The following OR9Q1 variants were observed in gnomAD, a reference collection of about 807,000 sequenced individuals.
OR9Q1 encodes olfactory receptor 9Q1.
For synonymous variants in OR9Q1, 153 were observed against 148.6 expected, an observed-to-expected ratio of 1.03 and a Z score of -0.22; for missense variants, 374 against 378.8, an observed-to-expected ratio of 0.99 and a Z score of 0.11.
At chr11:58,118,780 A>G in intron 2 of OR9Q1, 2 of 1,614,106 alleles carry the variant, frequency 1.2e-6, no homozygotes, top group Non-Finnish European at 1.7e-6. Flanking sequence ...AATGGTCTTG[A>G]TGATGAGCAG....
At chr11:58,047,717 CAAA>C (rs67113314) in intron 1 of OR9Q1, among the ~76,000 whole-genome samples, 63,920 of 144,034 alleles carry the variant, frequency 0.44, 14,224 homozygotes, top group East Asian at 0.66. Context: ...ACTAATGATA[CAAA>C]AAAAAAAAAA....
At chr11:58,151,724 G>T (rs1335133306) in intron 2 of OR9Q1, among the ~76,000 whole-genome samples, 1 of 152,042 alleles carries the variant, frequency 6.6e-6, no homozygotes, top group East Asian at 1.9e-4. Flanking sequence ...ATTTCTAGAT[G>T]ATATAGCCAG....
At chr11:58,132,651 T>C (rs1006823060) in intron 2 of OR9Q1, among the ~76,000 whole-genome samples, 1 of 152,192 alleles carries the variant, frequency 6.6e-6, no homozygotes, top group Admixed American at 6.5e-5. Flanking sequence ...AAGGGTCACC[T>C]TGGGTTGATG....
intron 2 of OR9Q1, among the ~76,000 whole-genome samples, chr11:58,101,142 GAATA>G (rs1191032972): frequency 6.6e-6 from 1 of 151,692 alleles, no homozygotes; most frequent in Non-Finnish European, 1.5e-5. Flanking sequence ...ATATTTTTAT[GAATA>G]AATAAACATA....
intron 2 of OR9Q1, among the ~76,000 whole-genome samples, chr11:58,139,831 T>C (rs1198341954): frequency 2.0e-5 from 3 of 151,886 alleles, no homozygotes; most frequent in East Asian, 1.9e-4. Context: ...ATGCTATTTC[T>C]AGTTCTAGAT....
chr11:58,085,604 A>G lies in OR9Q1; in HGVS notation c.-15+29657A>G, dbSNP rs999649404. On this transcript the variant is annotated intron_variant, in intron 2 of 2. Coordinates refer to ENST00000335397, the MANE Select transcript of OR9Q1 (RefSeq NM_001005212.4). ...AAATACCTCTCTATTCTATGCTTCTATAAATTTGACTACTTTGGATATCTT... is the reference window on the plus strand; with the variant it reads ...AAATACCTCTCTATTCTATGCTTCTGTAAATTTGACTACTTTGGATATCTT... Among the ~76,000 whole-genome samples, 4 of 151,812 alleles carry G rather than the reference A, an allele frequency of 2.6e-5. 1 individual carries two copies. Among genetic ancestry groups the G allele is most frequent in the African/African-American group, 9.7e-5 (4 of 41,132 alleles).
intron 2 of OR9Q1, among the ~76,000 whole-genome samples, chr11:58,161,495 C>A: frequency 6.6e-6 from 1 of 151,902 alleles, no homozygotes; most frequent in Non-Finnish European, 1.5e-5. Flanking sequence ...CTTCTGGATA[C>A]ACATATCCTT....
Position 58,092,009 on chromosome 11 carries a change from C to T in OR9Q1, c.-15+36062C>T, listed in dbSNP as rs535419188. Among the ~76,000 whole-genome samples the T allele has an allele frequency of 9.2e-5, 14 of 151,568 alleles. No homozygotes were observed. In the South Asian group the frequency reaches 2.9e-3, roughly 32 times the overall value. ...TTCCATTTGCTTGGTAAATATTCCT[C>T]CATCCCTTTATTTTGAGCCTATGTG... On this transcript the variant is annotated intron_variant, in intron 2 of 2. Transcript: ENST00000335397.
intron 2 of OR9Q1, among the ~76,000 whole-genome samples, chr11:58,098,097 G>A (rs1183090272): frequency 6.6e-6 from 1 of 152,138 alleles, no homozygotes; most frequent in Non-Finnish European, 1.5e-5. Context: ...AAAAAAACAA[G>A]TTGAACATTG....
intron 2 of OR9Q1, among the ~76,000 whole-genome samples, chr11:58,123,725 T>C (rs41325844): frequency 0.14 from 20,685 of 152,198 alleles, 1,804 homozygotes; most frequent in Non-Finnish European, 0.21. Flanking sequence ...TCTTATCATG[T>C]TCTCTTTTTA....
chr11:58,178,007 CAG>C (rs897119705), intron 2 of OR9Q1, among the ~76,000 whole-genome samples: 18 of 152,186 alleles, frequency 1.2e-4, no homozygotes, highest in African/African-American at 4.3e-4. Flanking sequence ...GTTGAAAGTG[CAG>C]AGATGTAGGA....
At chr11:58,125,961 A>T (rs1049053198) in intron 2 of OR9Q1, among the ~76,000 whole-genome samples, 18 of 152,158 alleles carry the variant, frequency 1.2e-4, no homozygotes, top group African/African-American at 3.9e-4. Flanking sequence ...CAACACACTC[A>T]TCCTTAGTCC....
At chr11:58,100,391 C>A (rs542217487) in intron 2 of OR9Q1, among the ~76,000 whole-genome samples, 1 of 152,002 alleles carries the variant, frequency 6.6e-6, no homozygotes, top group Non-Finnish European at 1.5e-5. Flanking sequence ...GGTATAATTC[C>A]GTTTACTTTT....
intron 2 of OR9Q1, among the ~76,000 whole-genome samples, chr11:58,151,416 G>A (rs893030259): frequency 7.2e-5 from 11 of 152,196 alleles, no homozygotes; most frequent in Non-Finnish European, 1.5e-4. Context: ...TGAGAAGGTG[G>A]TGTTGCATCA....
intron 1 of OR9Q1, among the ~76,000 whole-genome samples, chr11:58,032,692 A>G (rs184540894): frequency 6.6e-6 from 1 of 152,378 alleles, no homozygotes; most frequent in African/African-American, 2.4e-5. Flanking sequence ...ACCCTTCTGG[A>G]CATTGGTCTT....
intron 2 of OR9Q1, among the ~76,000 whole-genome samples, chr11:58,065,548 A>T (rs1470206476): frequency 6.6e-6 from 1 of 152,212 alleles, no homozygotes; most frequent in African/African-American, 2.4e-5. Context: ...TAAGCCTTGG[A>T]AACAGTTCAG....
At chr11:58,111,440 G>C (rs1483206649) in intron 2 of OR9Q1, among the ~76,000 whole-genome samples, 1 of 152,190 alleles carries the variant, frequency 6.6e-6, no homozygotes, top group East Asian at 1.9e-4. Flanking sequence ...GCTTTCTCAT[G>C]AATTTGACTT....
At chr11:58,107,453 A>G (rs985546159) in intron 2 of OR9Q1, among the ~76,000 whole-genome samples, 15 of 152,096 alleles carry the variant, frequency 9.9e-5, no homozygotes, top group Non-Finnish European at 2.1e-4. Flanking sequence ...ATCCTTTTTT[A>G]TGGCTGCATA....
intron 2 of OR9Q1, among the ~76,000 whole-genome samples, chr11:58,135,643 T>C (rs988645277): frequency 6.6e-6 from 1 of 152,178 alleles, no homozygotes; most frequent in African/African-American, 2.4e-5. Context: ...ACAGAGCAAA[T>C]AGGCAAAGAC....
Sources: gnomAD v4.1 joint callset for allele counts (sites outside exome capture counted in the v4.1 genomes callset) on GRCh38, gnomAD v4.1.1 for gene constraint, MANE v1.5 for transcripts, NCBI Gene and HGNC (gene_info 2026-07-23, HGNC 2026-07-21) for gene names.